GTF3C1: variants seen among roughly 807,000 people sequenced by gnomAD.
The protein encoded by GTF3C1 is general transcription factor 3C polypeptide 1.
A neutral mutation model predicts 226.7 loss-of-function variants in GTF3C1; 57 were observed. That is an observed-to-expected ratio of 0.25 (90% CI 0.20 to 0.31). GTF3C1 has a LOEUF of 0.31. GTF3C1 is among the 10% of genes least tolerant of loss of function. GTF3C1 has a pLI of 1.00. For missense variants in GTF3C1, 2,217 were observed against 2,776.1 expected, an observed-to-expected ratio of 0.80 and a Z score of 4.53; for synonymous variants, 1,090 against 1,084.8, an observed-to-expected ratio of 1.00 and a Z score of -0.09.
chr16:27,545,530 A>C lies in GTF3C1; in HGVS notation c.222-7T>G. 1 of 1,532,576 alleles carries C rather than the reference A, an allele frequency of 6.5e-7. No individual in the cohort carries two copies. The highest frequency in any genetic ancestry group is 9.0e-7 in the Non-Finnish European group (1 of 1,106,046). The allele number at this position is 1,532,576 out of a possible 1,614,324, so 94.9% of individuals were successfully genotyped here. A position where few individuals can be genotyped will look rare whatever the true frequency, so the allele number is the denominator to read the frequency against. On this transcript the variant is annotated splice_polypyrimidine_tract_variant and splice_region_variant and intron_variant, in intron 1 of 36. Coordinates refer to ENST00000356183, the MANE Select transcript of GTF3C1 (RefSeq NM_001520.4). ...CAAATCAATTTCTTCATACCTAAGG[A>C]GAAAAACACAAATATCAAAGCCCAA...
chr16:27,483,134 A>G lies in GTF3C1; in HGVS notation c.4002-9T>C. ...CCTCGGCCAGGCACACTCTGCAGGA[A>G]GAGGAGACAAAGCTGAAGTCTGGGA... is the stretch of plus-strand genomic sequence containing the variant. On this transcript the variant is annotated splice_polypyrimidine_tract_variant and intron_variant, in intron 25 of 36. Transcript: ENST00000356183. 6.2e-7 allele frequency: 1 copy of G among 1,613,630 alleles called. No individual in the cohort carries two copies. The highest frequency in any genetic ancestry group is 8.5e-7 in the Non-Finnish European group (1 of 1,179,514).
At chr16:27,478,226 C>A (rs945405855) in intron 28 of GTF3C1, among the ~76,000 whole-genome samples, 1 of 151,954 alleles carries the variant, frequency 6.6e-6, no homozygotes, top group African/African-American at 2.4e-5. Context: ...TTTGACTGTG[C>A]AGGGGGTCGG....
At chr16:27,525,843 T>C (rs1297202351) in intron 6 of GTF3C1, among the ~76,000 whole-genome samples, 1 of 152,246 alleles carries the variant, frequency 6.6e-6, no homozygotes, top group Non-Finnish European at 1.5e-5. Flanking sequence ...AATTAATAAC[T>C]GCACTTTTTG....
chr16:27,463,000 T>C lies in GTF3C1; in HGVS notation c.5925-514A>G. 1 of 170,928 alleles carries C rather than the reference T, an allele frequency of 5.9e-6. No homozygotes were observed. Among genetic ancestry groups the C allele is most frequent in the Non-Finnish European group, 1.3e-5 (1 of 79,754 alleles). 10.6% of individuals were successfully genotyped at this position (170,928 alleles called of 1,614,324 possible). On this transcript the variant is annotated intron_variant, in intron 35 of 36. Transcript: ENST00000356183. This position sits in a 1 kb window ranked among gnomAD's most constrained non-coding sequence, Gnocchi z 4.5. The stretch of plus-strand genomic sequence containing the variant: ...GAGCTGGACACCAGGCTCTCATCGC[T>C]ATGGCTGGGCCTTGGAGGGGGCACA...
chr16:27,549,884 C>T lies in GTF3C1; in HGVS notation c.7G>A (p.Ala3Thr), dbSNP rs1401256718. Residue 3 changes from alanine to threonine, a missense_variant, in exon 1 of 37, where the codon GCG becomes ACG. By Grantham distance (58) the Ala-to-Thr change is moderately conservative. Around this residue, in one of 12 missense-constraint regions of GTF3C1, gnomAD observed 192 missense variants for 251.8 expected, o/e 0.76. Transcript: ENST00000356183. ...ACTTCGTCCAACAACGACTCCAGCGCGTCCATTGCTACTTCAGTCGGCGGC... is the reference window on the plus strand; with the variant it reads ...ACTTCGTCCAACAACGACTCCAGCGTGTCCATTGCTACTTCAGTCGGCGGC... The part of the protein sequence containing the change: MD[A>T]LESLLDEVAL... 13 of 1,610,654 alleles carry T rather than the reference C, an allele frequency of 8.1e-6. No homozygotes were observed. The highest frequency in any genetic ancestry group is 1.1e-5 in the South Asian group (1 of 91,026).
intron 13 of GTF3C1, 75 bp from the exon 14 acceptor site, chr16:27,497,896 T>C (rs550163306): frequency 6.5e-6 from 8 of 1,230,022 alleles, no homozygotes; most frequent in African/African-American, 4.5e-5. Context: ...TCTGTCTGCA[T>C]GAATCAGATA....
At chr16:27,549,403 A>C (rs1360819377) in intron 1 of GTF3C1, among the ~76,000 whole-genome samples, 1 of 151,986 alleles carries the variant, frequency 6.6e-6, no homozygotes, top group Admixed American at 6.6e-5. Flanking sequence ...AATATCCCCA[A>C]TCCTGTTCGC....
chr16:27,465,596 A>T, intron 32 of GTF3C1, 56 bp from the exon 33 acceptor site: 1 of 1,372,394 alleles, frequency 7.3e-7, no homozygotes, highest in Non-Finnish European at 1.0e-6. Flanking sequence ...CCCTCCCCTG[A>T]CCAATGCACA....
chr16:27,511,164 C>T (rs988639565), intron 7 of GTF3C1, among the ~76,000 whole-genome samples: 3 of 152,184 alleles, frequency 2.0e-5, no homozygotes, highest in Non-Finnish European at 2.9e-5. Context: ...CTAAGTGGGA[C>T]AGATCTGCCC....
chr16:27,509,540 G>A (rs1264296822), intron 7 of GTF3C1, among the ~76,000 whole-genome samples: 4 of 151,324 alleles, frequency 2.6e-5, no homozygotes, highest in Non-Finnish European at 5.9e-5. Flanking sequence ...GGCGGATCAC[G>A]AGGTCAGGAG....
At chr16:27,533,497 T>C (rs1208435671) in intron 4 of GTF3C1, 110 bp from the exon 5 acceptor site, 1 of 656,606 alleles carries the variant, frequency 1.5e-6, no homozygotes, top group African/African-American at 1.8e-5. Flanking sequence ...CATTTTACAA[T>C]AAATAACAGA....
At chr16:27,469,000 T>C (rs2087825349) in intron 32 of GTF3C1, among the ~76,000 whole-genome samples, 1 of 152,138 alleles carries the variant, frequency 6.6e-6, no homozygotes, top group Non-Finnish European at 1.5e-5. Context: ...GAAGCGGAAG[T>C]GCTCTGCTCT....
rs1404550763 is a variant in GTF3C1 at position 27,470,349 on chromosome 16, G to T, written c.4573C>A (p.Gln1525Lys). 6.2e-7 allele frequency: 1 copy of T among 1,613,982 alleles called. No individual in the cohort carries two copies. The highest frequency in any genetic ancestry group is 2.2e-5 in the East Asian group (1 of 44,884). The part of the protein sequence containing the change: ...FPSTICTESF[Q>K]FLDRMRAAGK... ...GCAGCCCGCATTCTGTCCAAAAACT[G>T]GAATGACTCCGTGCAGATGGTGCTT... is the stretch of plus-strand genomic sequence containing the variant. Residue 1525 changes from glutamine to lysine, a missense_variant, in exon 31 of 37, where the codon CAG becomes AAG. Coordinates refer to ENST00000356183, the MANE Select transcript of GTF3C1 (RefSeq NM_001520.4). The surrounding 1 kb of genome is among the most constrained non-coding windows in gnomAD (Gnocchi z 4.9).
chr16:27,465,473 G>T lies in GTF3C1; in HGVS notation c.5142C>A (p.Asn1714Lys), dbSNP rs1186531413. ...CLPDTFTKLI[N>K]PQENTCSLEE... ...CCAAGCTGCAGGTGTTTTCCTGGGG[G>T]TTTATCAGCTTGGTGAACGTATCAG... The change falls in exon 33 of 37, where the codon AAC (asparagine) becomes AAA (lysine). Residue 1714 changes from asparagine (N) to lysine (K), a missense_variant. Physicochemically the swap from Asn to Lys is moderately conservative, Grantham distance 94. This residue lies in a region of GTF3C1 where 455 missense variants were observed against 441.9 expected (regional missense o/e 1.03). Coordinates refer to ENST00000356183, the MANE Select transcript of GTF3C1 (RefSeq NM_001520.4). 6.2e-7 allele frequency: 1 copy of T among 1,609,620 alleles called. No individual in the cohort carries two copies. The highest frequency in any genetic ancestry group is 1.1e-5 in the South Asian group (1 of 91,080).
At chr16:27,549,637 C>T in intron 1 of GTF3C1, 33 bp downstream of exon 1, 1 of 876,440 alleles carries the variant, frequency 1.1e-6, no homozygotes, top group Non-Finnish European at 1.8e-6. Context: ...CTGCGCCCGC[C>T]CGCCCGCCCG....
At chr16:27,502,252 A>G (rs1449191521) in intron 11 of GTF3C1, among the ~76,000 whole-genome samples, 1 of 152,110 alleles carries the variant, frequency 6.6e-6, no homozygotes, top group African/African-American at 2.4e-5. Context: ...GAGTATGAGG[A>G]AGAAGCCATG....
Position 27,462,277 on chromosome 16 carries a change from C to A in GTF3C1, c.6117+17G>T, listed in dbSNP as rs1339380378. The A allele has an allele frequency of 6.5e-6, 10 of 1,540,712 alleles. No individual in the cohort carries two copies. Among genetic ancestry groups the A allele is most frequent in the Non-Finnish European group, 8.8e-6 (10 of 1,142,274 alleles). ...CAGCCGCCTCCACACCCTGCTGAAC[C>A]CAGGAAGGCCCCACACCTGGAGCAA... On this transcript the variant is annotated intron_variant, in intron 36 of 36. Transcript: ENST00000356183. This position sits in a 1 kb window ranked among gnomAD's most constrained non-coding sequence, Gnocchi z 4.5.
chr16:27,494,786 G>C lies in GTF3C1; in HGVS notation c.2755C>G (p.Gln919Glu). 6.2e-7 allele frequency: 1 copy of C among 1,612,758 alleles called. No individual in the cohort carries two copies. Among genetic ancestry groups the C allele is most frequent in the Non-Finnish European group, 8.5e-7 (1 of 1,178,696 alleles). The change falls in exon 16 of 37, where the codon CAG (glutamine) becomes GAG (glutamate). Residue 919 changes from glutamine (Q) to glutamate (E), a missense_variant. By Grantham distance (29) the Gln-to-Glu change is conservative. Transcript: ENST00000356183. ...LLCLPLSIFI[Q>E]IVQVSYKVDN... ...ACCTTGTAGCTGACTTGCACAATCTGGATGAAGATGGAGAGGGGAAGGCAG... is the reference window on the plus strand; with the variant it reads ...ACCTTGTAGCTGACTTGCACAATCTCGATGAAGATGGAGAGGGGAAGGCAG...
intron 16 of GTF3C1, 66 bp downstream of exon 16, chr16:27,494,697 G>A (rs999149488): frequency 4.2e-6 from 5 of 1,202,396 alleles, no homozygotes; most frequent in African/African-American, 3.0e-5. Flanking sequence ...TTGCCCAGGT[G>A]AGTGTAGGCC....
Sources: allele counts gnomAD v4.1 joint callset (sites outside exome capture counted in the v4.1 genomes callset), GRCh38; gene constraint gnomAD v4.1.1; regional missense constraint gnomAD v4.1.1; non-coding constraint Gnocchi (gnomAD v3.1); transcripts MANE v1.5; gene names NCBI Gene and HGNC (gene_info 2026-07-23, HGNC 2026-07-21).